MACF1: variants seen among roughly 807,000 people sequenced by gnomAD.
MACF1 encodes the protein microtubule actin crosslinking factor 1.
Under a neutral mutation model 854.8 loss-of-function variants are expected in MACF1, and 193 were observed. The ratio of observed to expected loss-of-function variants is 0.23; its 90% CI spans 0.20 to 0.25. The LOEUF is 0.25. Among genes scored for constraint, MACF1 ranks in the 10% least tolerant of loss-of-function variants. The pLI, the probability that MACF1 is intolerant of heterozygous loss-of-function variation, is 1.00. For missense variants in MACF1, 7,722 were observed against 8,929.1 expected (o/e 0.86, Z 5.45); for synonymous variants, 3,185 against 3,226.7 (o/e 0.99, Z 0.44).
chr1:39,088,180 G>T (rs1382294971), intron 2 of MACF1, among the ~76,000 whole-genome samples: 1 of 152,054 alleles, frequency 6.6e-6, no homozygotes, highest in Non-Finnish European at 1.5e-5. Flanking sequence ...CACCATGTTA[G>T]CCAGGATGGT....
intron 32 of MACF1, 96 bp downstream of exon 32, chr1:39,322,811 G>A (rs1440337798): frequency 6.7e-7 from 1 of 1,501,756 alleles, no homozygotes; most frequent in East Asian, 2.3e-5. Flanking sequence ...TCACTTTTCT[G>A]GTGAACATGT....
intron 2 of MACF1, among the ~76,000 whole-genome samples, chr1:39,117,581 T>A (rs1430850174): frequency 6.6e-6 from 1 of 151,446 alleles, no homozygotes; most frequent in Non-Finnish European, 1.5e-5. Context: ...TGGGTGTCCC[T>A]TGCCTGTGGC....
chr1:39,431,720 T>C (rs1302766948), intron 66 of MACF1, among the ~76,000 whole-genome samples: 4 of 152,170 alleles, frequency 2.6e-5, no homozygotes, highest in Admixed American at 2.0e-4. Flanking sequence ...ACACCTGTAG[T>C]CCCAGCACTT....
At chr1:39,106,028 G>GGGAGGA (rs925394534) in intron 2 of MACF1, among the ~76,000 whole-genome samples, 1 of 152,136 alleles carries the variant, frequency 6.6e-6, no homozygotes, top group Admixed American at 6.5e-5. Flanking sequence ...GGAGTTGCTG[G>GGGAGGA]GGAGGAGGAG....
intron 26 of MACF1, among the ~76,000 whole-genome samples, chr1:39,315,202 C>T (rs1171641324): frequency 6.6e-6 from 1 of 152,144 alleles, no homozygotes; most frequent in Non-Finnish European, 1.5e-5. Flanking sequence ...TTTGTATAAA[C>T]ATATACACAT....
intron 36 of MACF1, chr1:39,328,569 T>C (rs1397127362): frequency 5.3e-5 from 8 of 152,240 alleles, no homozygotes; most frequent in Non-Finnish European, 1.0e-4. Flanking sequence ...GAGGACGACC[T>C]GTTTGGGGTT....
At chr1:39,465,558 A>G (rs556073565) in intron 95 of MACF1, among the ~76,000 whole-genome samples, 1 of 152,386 alleles carries the variant, frequency 6.6e-6, no homozygotes, top group African/African-American at 2.4e-5. Flanking sequence ...TGTTATAATT[A>G]CAAGGTATCT....
In MACF1 at chr1:39,283,588, C is replaced by A. The variant is rs765538880; in HGVS notation, c.915+73C>A. The stretch of plus-strand genomic sequence containing the variant: ...GTGAAATGCATTGGTTAGACACTTT[C>A]TTAAGCACTTATGGTATACTCATGG... On this transcript the variant is annotated intron_variant, in intron 9 of 100. Transcript: ENST00000564288. This position sits in a 1 kb window ranked among gnomAD's most constrained non-coding sequence, Gnocchi z 4.5. 23 of 1,036,252 alleles carry A rather than the reference C, an allele frequency of 2.2e-5. No individual in the cohort carries two copies. The highest frequency in any genetic ancestry group is 2.9e-5 in the Non-Finnish European group (19 of 662,246). 64.2% of individuals were successfully genotyped at this position (1,036,252 alleles called of 1,614,324 possible).
intron 20 of MACF1, among the ~76,000 whole-genome samples, chr1:39,296,585 C>T (rs1645904479): frequency 6.6e-6 from 1 of 151,546 alleles, no homozygotes; most frequent in African/African-American, 2.4e-5. Flanking sequence ...CAAAAATTAG[C>T]TGGGTGTGGT....
intron 2 of MACF1, among the ~76,000 whole-genome samples, chr1:39,126,809 A>C (rs1453032715): frequency 6.6e-6 from 1 of 152,108 alleles, no homozygotes; most frequent in Non-Finnish European, 1.5e-5. Context: ...CACACAAAAA[A>C]CAAACAAAAA....
chr1:39,305,272 A>AG, intron 23 of MACF1, among the ~76,000 whole-genome samples: 1 of 148,816 alleles, frequency 6.7e-6, no homozygotes, highest in East Asian at 2.0e-4. Flanking sequence ...AAAAAAAAAA[A>AG]AAAAAGTGTG....
rs749553571 is a variant in MACF1, at chr1:39,310,361, G to A, written c.3033G>A (p.Leu1011=). 1.9e-6 allele frequency: 3 copies of A among 1,614,136 alleles called. No homozygotes were observed. Among genetic ancestry groups the A allele is most frequent in the South Asian group, 2.2e-5 (2 of 91,078 alleles). ...DSVLFSVADR[L]RLEEEVEACK... is the part of the protein sequence containing the mutation. Reference sequence around the variant, plus strand: ...TGCTGTTCTCAGTGGCTGATCGCTTGCGCTTGGAAGAGGAGGTGGAAGCTT... The same window carrying A: ...TGCTGTTCTCAGTGGCTGATCGCTTACGCTTGGAAGAGGAGGTGGAAGCTT... The change falls in exon 25 of 101, where the codon TTG becomes TTA. Residue 1011 remains leucine, a synonymous_variant. Transcript: ENST00000564288.
intron 6 of MACF1, among the ~76,000 whole-genome samples, chr1:39,263,771 C>CTTTTTTTTTTTTTTTTTTTTTT (rs11453750): frequency 2.0e-5 from 2 of 100,164 alleles, no homozygotes; most frequent in African/African-American, 8.2e-5. Flanking sequence ...TTTCTTTTTT[C>CTTTTTTTTTTTTTTTTTTTTTT]TTTTTTTTTT....
intron 2 of MACF1, among the ~76,000 whole-genome samples, chr1:39,244,110 A>T (rs1446885108): frequency 1.3e-5 from 2 of 151,100 alleles, no homozygotes; most frequent in South Asian, 2.1e-4. Flanking sequence ...TTTATTAAAA[A>T]TTTTTTTTGG....
chr1:39,165,933 C>G (rs182809916), intron 2 of MACF1, among the ~76,000 whole-genome samples: 3 of 152,310 alleles, frequency 2.0e-5, no homozygotes, highest in Non-Finnish European at 2.9e-5. Flanking sequence ...TTTCCTGTTG[C>G]ATTTACTGGA....
Position 39,486,637 on chromosome 1 carries a change from A to G in MACF1, c.*843A>G, listed in dbSNP as rs1645103591. ...ATCCACTTTTTTTGCTATTTATTTA[A>G]ATGGTCGATCAACTTCCCACAAACT... is the stretch of plus-strand genomic sequence containing the variant. On this transcript the variant is annotated 3_prime_UTR_variant, in exon 101 of 101. Coordinates refer to ENST00000564288, the MANE Select transcript of MACF1 (RefSeq NM_001394062.1). The G allele has an allele frequency of 6.6e-6, 1 of 152,626 alleles. No homozygotes were observed. Among genetic ancestry groups the G allele is most frequent in the Non-Finnish European group, 1.5e-5 (1 of 68,044 alleles). The allele number at this position is 152,626 out of a possible 1,614,324, so 9.5% of individuals were successfully genotyped here.
In MACF1 at chr1:39,428,242, G is replaced by A; in HGVS notation, c.16758G>A (p.Lys5586=). The A allele has an allele frequency of 1.9e-6, 3 of 1,613,840 alleles. No homozygotes were observed. ...ACAAGCTCAGTTCAGTGTTCGTAAA[G>A]GATTTCAAACAGGATGTCCTGCACA... ...VEDKLSSVFV[K]DFKQDVLHRQ... Residue 5586 remains lysine (K), a synonymous_variant, in exon 63 of 101, where the codon AAG becomes AAA. Coordinates refer to ENST00000564288, the MANE Select transcript of MACF1 (RefSeq NM_001394062.1).
chr1:39,154,177 C>T (rs1344865074), intron 2 of MACF1: 1 of 152,254 alleles, frequency 6.6e-6, no homozygotes, highest in Non-Finnish European at 1.5e-5. Context: ...CCATGACCCT[C>T]ATCTTTGAAT....
intron 2 of MACF1, among the ~76,000 whole-genome samples, chr1:39,126,049 A>AT (rs1275309821): frequency 1.3e-5 from 2 of 152,058 alleles, no homozygotes; most frequent in African/African-American, 4.8e-5. Context: ...GATAAATGCC[A>AT]TTTTTTTTGA....
Sources: allele counts gnomAD v4.1 joint callset (sites outside exome capture counted in the v4.1 genomes callset), GRCh38; gene constraint gnomAD v4.1.1; non-coding constraint Gnocchi (gnomAD v3.1); transcripts MANE v1.5; gene names NCBI Gene and HGNC (gene_info 2026-07-23, HGNC 2026-07-21).